The following FREM2 variants were observed in gnomAD, a reference collection of about 807,000 sequenced individuals.
FREM2 encodes FRAS1 related extracellular matrix 2.
A neutral mutation model predicts 219.9 loss-of-function variants in FREM2; 119 were observed. The ratio of observed to expected loss-of-function variants is 0.54; its 90% CI spans 0.47 to 0.63. The LOEUF (loss-of-function observed/expected upper bound fraction) is 0.63. Ranked by LOEUF, FREM2 falls within the 30% of genes least tolerant of loss-of-function variation. FREM2 has a pLI of 0.00. For missense variants in FREM2, 4,030 were observed against 3,993.6 expected (o/e 1.01, Z -0.25); for synonymous variants, 1,562 against 1,522.8 (o/e 1.03, Z -0.60).
intron 2 of FREM2, among the ~76,000 whole-genome samples, chr13:38,699,331 C>T (rs568973004): frequency 1.4e-4 from 21 of 151,912 alleles, no homozygotes; most frequent in Admixed American, 1.2e-3. Flanking sequence ...AACACACACA[C>T]ATTATTTTAC....
intron 16 of FREM2, 99 bp downstream of exon 16, chr13:38,864,705 T>A: frequency 9.4e-7 from 1 of 1,061,184 alleles, no homozygotes; most frequent in East Asian, 2.5e-5. Context: ...TTTTCCATCT[T>A]GGTGTTGTAG....
chr13:38,850,907 A>G (rs761666288), intron 9 of FREM2, 37 bp from the exon 10 acceptor site: 5 of 1,605,036 alleles, frequency 3.1e-6, no homozygotes, highest in African/African-American at 2.7e-5. Flanking sequence ...ATATATTCCT[A>G]TGGGATGTGA....
rs895629383 is a variant in FREM2 at position 38,883,521 on chromosome 13, G to A, written c.*2734G>A. The A allele has an allele frequency of 2.0e-5, 3 of 152,012 alleles. No individual in the cohort carries two copies. The highest frequency in any genetic ancestry group is 2.9e-5 in the Non-Finnish European group (2 of 68,018). 9.4% of individuals were successfully genotyped at this position (152,012 alleles called of 1,614,324 possible). On this transcript the variant is annotated 3_prime_UTR_variant, in exon 24 of 24. Coordinates refer to ENST00000280481, the MANE Select transcript of FREM2 (RefSeq NM_207361.6). Reference sequence around the variant, plus strand: ...AACCAAAAATAAATATTATTCAAGTGGCTCTTCTAAGCATGTGAATCATGA... The same window carrying A: ...AACCAAAAATAAATATTATTCAAGTAGCTCTTCTAAGCATGTGAATCATGA...
chr13:38,758,205 A>G (rs1260829818), intron 2 of FREM2, among the ~76,000 whole-genome samples: 2 of 152,208 alleles, frequency 1.3e-5, no homozygotes, highest in Non-Finnish European at 2.9e-5. Context: ...TAGGAGGAGA[A>G]GGAATTAAAT....
intron 6 of FREM2, among the ~76,000 whole-genome samples, chr13:38,795,834 A>G (rs987053566): frequency 6.6e-6 from 1 of 152,148 alleles, no homozygotes; most frequent in Non-Finnish European, 1.5e-5. Context: ...TACGAGGCAG[A>G]ATATGCAGTA....
In FREM2 at chr13:38,687,149, G is replaced by C; in HGVS notation, c.-196G>C. 1 of 694,332 alleles carries C rather than the reference G, an allele frequency of 1.4e-6. No individual in the cohort carries two copies. The highest frequency in any genetic ancestry group is 2.4e-6 in the Non-Finnish European group (1 of 417,328). 43.0% of individuals were successfully genotyped at this position (694,332 alleles called of 1,614,324 possible). A position where few individuals can be genotyped will look rare whatever the true frequency, so the allele number is the denominator to read the frequency against. Reference sequence around the variant, plus strand: ...GAGCTGGACGGCCTGGGAAGGCTTCGGCTCCTCGGCTGCGGCTCCAGCCCG... The same window carrying C: ...GAGCTGGACGGCCTGGGAAGGCTTCCGCTCCTCGGCTGCGGCTCCAGCCCG... On this transcript the variant is annotated 5_prime_UTR_variant, in exon 1 of 24. Coordinates refer to ENST00000280481, the MANE Select transcript of FREM2 (RefSeq NM_207361.6).
At chr13:38,726,106 G>T (rs188465189) in intron 2 of FREM2, among the ~76,000 whole-genome samples, 450 of 152,302 alleles carry the variant, frequency 3.0e-3, no homozygotes, top group African/African-American at 0.01. Context: ...ACCGGTGTTG[G>T]TTAGGAAGGA....
At chr13:38,696,619 C>T (rs998880001) in intron 1 of FREM2, among the ~76,000 whole-genome samples, 6 of 151,948 alleles carry the variant, frequency 3.9e-5, no homozygotes, top group African/African-American at 1.2e-4. Flanking sequence ...CAGAACAAAA[C>T]GATTTTTTTC....
chr13:38,840,255 C>G (rs1368710799), intron 6 of FREM2, among the ~76,000 whole-genome samples: 1 of 151,924 alleles, frequency 6.6e-6, no homozygotes, highest in East Asian at 2.0e-4. Flanking sequence ...ACGCCCCACC[C>G]TGCTTCTGCT....
chr13:38,878,780 A>G (rs767512578), intron 22 of FREM2, 51 bp from the exon 23 acceptor site: 1 of 1,574,522 alleles, frequency 6.4e-7, no homozygotes, highest in Non-Finnish European at 8.7e-7. Flanking sequence ...CTGTCCTGGC[A>G]AAAGCCGTGG....
In FREM2 at chr13:38,740,008, A is replaced by C. The variant is rs373687940; in HGVS notation, c.5264-24296A>C. 1.2e-4 allele frequency among the ~76,000 whole-genome samples: 19 copies of C among 152,316 alleles called. No individual in the cohort carries two copies. In the South Asian group the frequency reaches 3.7e-3, roughly 30 times the overall value. ...TATCCTTCAGTTTAGAGTGGCTTGCATTTAAGTTTCTTTACAATAAATACA... is the reference window on the plus strand; with the variant it reads ...TATCCTTCAGTTTAGAGTGGCTTGCCTTTAAGTTTCTTTACAATAAATACA... On this transcript the variant is annotated intron_variant, in intron 2 of 23. Coordinates refer to ENST00000280481, the MANE Select transcript of FREM2 (RefSeq NM_207361.6).
chr13:38,792,232 C>T (rs550314798), intron 6 of FREM2, among the ~76,000 whole-genome samples: 1 of 152,204 alleles, frequency 6.6e-6, no homozygotes, highest in Non-Finnish European at 1.5e-5. Context: ...GCCTGTAATC[C>T]CAGCTACTCA....
In FREM2 at chr13:38,839,755, TGAGGG is replaced by T. The variant is rs544163555; in HGVS notation, c.6020-6815_6020-6811del. Among the ~76,000 whole-genome samples, 732 of 152,208 alleles carry T rather than the reference TGAGGG, an allele frequency of 4.8e-3. 5 individuals carry two copies. Among genetic ancestry groups the T allele is most frequent in the African/African-American group, 0.017 (707 of 41,522 alleles). On this transcript the variant is annotated intron_variant, in intron 6 of 23. Coordinates refer to ENST00000280481, the MANE Select transcript of FREM2 (RefSeq NM_207361.6). ...CTTCCTGGAGGCTTTTTTTACTCTG[TGAGGG>T]GAAAACCGCCTACTCAAGCCTCAAT...
At chr13:38,846,552 T>C in intron 6 of FREM2, 21 bp from the exon 7 acceptor site, 1 of 1,611,116 alleles carries the variant, frequency 6.2e-7, no homozygotes, top group East Asian at 2.2e-5. Context: ...ACAGAAATGA[T>C]TTCTGTTCCT....
intron 6 of FREM2, among the ~76,000 whole-genome samples, chr13:38,828,342 TACTC>T (rs970569987): frequency 3.7e-4 from 56 of 152,270 alleles, no homozygotes; most frequent in African/African-American, 1.2e-3. Context: ...ACACTGAAAG[TACTC>T]AATAAATATT....
At chr13:38,850,365 A>G in intron 9 of FREM2, 130 bp downstream of exon 9, 1 of 770,414 alleles carries the variant, frequency 1.3e-6, no homozygotes, top group Non-Finnish European at 2.2e-6. Context: ...GCAATAAATG[A>G]GGAAAGTGAA....
intron 2 of FREM2, among the ~76,000 whole-genome samples, chr13:38,707,287 A>AT (rs1438744894): frequency 2.0e-5 from 3 of 152,182 alleles, no homozygotes; most frequent in East Asian, 1.9e-4. Context: ...GATATGATTC[A>AT]TTTTTTTGCA....
At position 38,880,666 on chromosome 13, in the gene FREM2, T is replaced by C; in HGVS notation, c.9389T>C (p.Ile3130Thr). 1 of 1,614,116 alleles carries C rather than the reference T, an allele frequency of 6.2e-7. No individual in the cohort carries two copies. Among genetic ancestry groups the C allele is most frequent in the South Asian group, 1.1e-5 (1 of 91,076 alleles). Residue 3130 changes from isoleucine to threonine, a missense_variant, in exon 24 of 24, where the codon ATT becomes ACT. Physicochemically the swap from Ile to Thr is moderately conservative, Grantham distance 89 (BLOSUM62 -1). Transcript: ENST00000280481. ...VGLLTICLTV[I>T]AVLMCRGKES... is the part of the protein sequence containing the mutation. The stretch of plus-strand genomic sequence containing the variant: ...TTACTCACCATCTGCCTCACTGTCA[T>C]TGCAGTGCTGATGTGCAGGGGCAAG...
chr13:38,695,480 A>C (rs1415652489), intron 1 of FREM2, among the ~76,000 whole-genome samples: 1 of 152,204 alleles, frequency 6.6e-6, no homozygotes, highest in Non-Finnish European at 1.5e-5. Flanking sequence ...GATTTATTTC[A>C]ATGAAACTAT....
Sources: allele counts gnomAD v4.1 joint callset (sites outside exome capture counted in the v4.1 genomes callset), GRCh38; gene constraint gnomAD v4.1.1; transcripts MANE v1.5; gene names NCBI Gene and HGNC (gene_info 2026-07-23, HGNC 2026-07-21).